Variants in TRPM7 observed in about 807,000 individuals in gnomAD.
The protein encoded by TRPM7 is transient receptor potential cation channel subfamily M member 7, also known as LTRPC ion channel family member 7.
A neutral mutation model predicts 229.7 loss-of-function variants in TRPM7; 134 were observed. That is an observed-to-expected ratio of 0.58 (90% CI 0.51 to 0.67). TRPM7 has a LOEUF of 0.67. Ranked by LOEUF, TRPM7 falls within the 30% of genes least tolerant of loss-of-function variation. The pLI, the probability that TRPM7 is intolerant of heterozygous loss-of-function variation, is 0.00. For synonymous variants in TRPM7, 699 were observed against 715.2 expected, an observed-to-expected ratio of 0.98 and a Z score of 0.36; for missense variants, 1,901 against 2,210.0, an observed-to-expected ratio of 0.86 and a Z score of 2.80.
At chr15:50,612,484 C>T (rs1287329035) in intron 16 of TRPM7, 65 bp downstream of exon 16, 1 of 1,454,026 alleles carries the variant, frequency 6.9e-7, no homozygotes, top group Non-Finnish European at 9.4e-7. Flanking sequence ...GGCACTGTAA[C>T]AGCCACTCAA....
intron 9 of TRPM7, among the ~76,000 whole-genome samples, chr15:50,632,073 T>G (rs1335036515): frequency 6.6e-6 from 1 of 152,040 alleles, no homozygotes; most frequent in African/African-American, 2.4e-5. Flanking sequence ...GAGGCCAAGG[T>G]GGGCGGATCA....
chr15:50,680,929 T>C (rs990558637), intron 1 of TRPM7, among the ~76,000 whole-genome samples: 3 of 152,140 alleles, frequency 2.0e-5, no homozygotes, highest in African/African-American at 2.4e-5. Context: ...GAAAACAGTA[T>C]TGACATCACA....
intron 14 of TRPM7, 90 bp downstream of exon 14, chr15:50,614,033 C>G (rs924903329): frequency 7.2e-7 from 1 of 1,383,354 alleles, no homozygotes; most frequent in African/African-American, 1.5e-5. Context: ...ACAGTGTAAC[C>G]TTCTCCGTTC....
At chr15:50,581,138 C>T (rs569737996) in intron 29 of TRPM7, among the ~76,000 whole-genome samples, 25 of 152,094 alleles carry the variant, frequency 1.6e-4, no homozygotes, top group African/African-American at 6.0e-4. Flanking sequence ...CTGTTATTTC[C>T]CACAACATTG....
chr15:50,683,437 T>TA lies in TRPM7; in HGVS notation c.3+3093dup, dbSNP rs60201611. Among the ~76,000 whole-genome samples the TA allele has an allele frequency of 1.1e-3, 165 of 144,156 alleles. 1 individual carries two copies. The East Asian group carries it at 0.013, about 11-fold the overall frequency. 94.6% of individuals were successfully genotyped at this position (144,156 alleles called of 152,430 possible). On this transcript the variant is annotated intron_variant, in intron 1 of 38. Coordinates refer to ENST00000646667, the MANE Select transcript of TRPM7 (RefSeq NM_017672.6). ...GAATCCACTGGTCAATCTTAACATT[T>TA]AAAAAAAAAAAAAGAAGCCAGGGTC...
At chr15:50,572,430 T>C (rs1312640655) in intron 36 of TRPM7, among the ~76,000 whole-genome samples, 4 of 151,934 alleles carry the variant, frequency 2.6e-5, no homozygotes, top group African/African-American at 9.7e-5. Flanking sequence ...ATTCTTACTA[T>C]TTTTTAACAA....
intron 3 of TRPM7, among the ~76,000 whole-genome samples, chr15:50,651,536 C>A (rs2061419422): frequency 6.6e-6 from 1 of 152,118 alleles, no homozygotes; most frequent in African/African-American, 2.4e-5. Flanking sequence ...GTGGCTCATG[C>A]CTATAATCCC....
chr15:50,648,949 T>A, intron 3 of TRPM7, 64 bp from the exon 4 acceptor site: 1 of 1,303,630 alleles, frequency 7.7e-7, no homozygotes, highest in Non-Finnish European at 1.0e-6. Flanking sequence ...AAAATGGAAT[T>A]AAAAGTGAAT....
At chr15:50,599,410 C>A (rs945420824) in intron 21 of TRPM7, 114 bp from the exon 22 acceptor site, 6 of 638,542 alleles carry the variant, frequency 9.4e-6, no homozygotes, top group African/African-American at 9.1e-5. Flanking sequence ...CACAAAAAAT[C>A]TTTGAGATTC....
chr15:50,617,451 C>T (rs569972537), intron 13 of TRPM7, among the ~76,000 whole-genome samples: 13 of 151,368 alleles, frequency 8.6e-5, no homozygotes, highest in Non-Finnish European at 1.5e-4. Context: ...TGCAGTGAGC[C>T]GAGATCGTGC....
At chr15:50,596,559 T>C (rs1390216885) in intron 22 of TRPM7, among the ~76,000 whole-genome samples, 178 bp from the exon 23 acceptor site, 1 of 152,184 alleles carries the variant, frequency 6.6e-6, no homozygotes, top group Non-Finnish European at 1.5e-5. Flanking sequence ...GAACCCCAGC[T>C]TAAGAGTGTT....
At chr15:50,649,042 T>C (rs1303500484) in intron 3 of TRPM7, among the ~76,000 whole-genome samples, 157 bp from the exon 4 acceptor site, 1 of 152,178 alleles carries the variant, frequency 6.6e-6, no homozygotes, top group Admixed American at 6.5e-5. Flanking sequence ...TATCTATATA[T>C]TAATACCTTC....
chr15:50,664,559 A>T (rs1034346285), intron 1 of TRPM7, among the ~76,000 whole-genome samples: 8 of 152,186 alleles, frequency 5.3e-5, no homozygotes, highest in Non-Finnish European at 1.0e-4. Context: ...AATATGATTA[A>T]CCAAATAAAA....
chr15:50,584,768 G>A (rs2054605739), intron 28 of TRPM7, among the ~76,000 whole-genome samples: 1 of 152,102 alleles, frequency 6.6e-6, no homozygotes, highest in African/African-American at 2.4e-5. Context: ...ATTTTGGGAT[G>A]TTCAATCCAT....
chr15:50,600,449 A>G (rs796998514), intron 21 of TRPM7, among the ~76,000 whole-genome samples: 9 of 152,040 alleles, frequency 5.9e-5, no homozygotes, highest in African/African-American at 2.2e-4. Flanking sequence ...AAAAAAAAAA[A>G]AAAGGGAATA....
chr15:50,629,859 C>CTTTT (rs33991422), intron 10 of TRPM7, among the ~76,000 whole-genome samples: 182 of 106,494 alleles, frequency 1.7e-3, no homozygotes, highest in East Asian at 7.1e-3. Context: ...TCTTTTTAAC[C>CTTTT]TTTTTTTTTT....
At chr15:50,596,227 A>G (rs769528605) in intron 23 of TRPM7, 28 bp downstream of exon 23, 1 of 1,411,834 alleles carries the variant, frequency 7.1e-7, no homozygotes, top group South Asian at 1.5e-5. Flanking sequence ...AAATCATCTT[A>G]TAACAAACAA....
intron 15 of TRPM7, among the ~76,000 whole-genome samples, chr15:50,613,206 TA>T (rs2060111716): frequency 6.6e-6 from 1 of 152,150 alleles, no homozygotes; most frequent in Admixed American, 6.5e-5. Context: ...TTATCATACC[TA>T]AATATGAAAA....
intron 1 of TRPM7, among the ~76,000 whole-genome samples, chr15:50,667,679 C>A (rs965786029): frequency 2.6e-5 from 4 of 152,070 alleles, no homozygotes; most frequent in African/African-American, 9.7e-5. Context: ...TGCACTCCAG[C>A]CTGGGCAACA....
Sources: gnomAD v4.1 joint callset for allele counts (sites outside exome capture counted in the v4.1 genomes callset) on GRCh38, gnomAD v4.1.1 for gene constraint, MANE v1.5 for transcripts, NCBI Gene and HGNC (gene_info 2026-07-23, HGNC 2026-07-21) for gene names.